GALNTL5: variants seen among roughly 807,000 people sequenced by gnomAD.
The protein encoded by GALNTL5 is inactive polypeptide N-acetylgalactosaminyltransferase-like protein 5.
Under a neutral mutation model 51.0 loss-of-function variants are expected in GALNTL5, and 44 were observed. That is an observed-to-expected ratio of 0.86 (90% CI 0.68 to 1.11). The LOEUF is 1.11. GALNTL5 is among the 50% of genes least tolerant of loss of function. The pLI, the probability that GALNTL5 is intolerant of heterozygous loss-of-function variation, is 0.00. For missense variants in GALNTL5, 528 were observed against 531.8 expected, an observed-to-expected ratio of 0.99 and a Z score of 0.07; for synonymous variants, 192 against 182.8, an observed-to-expected ratio of 1.05 and a Z score of -0.41.
At chr7:152,001,156 A>AC (rs1369859597) in intron 5 of GALNTL5, among the ~76,000 whole-genome samples, 10 of 137,440 alleles carry the variant, frequency 7.3e-5, no homozygotes, top group South Asian at 2.3e-4. Flanking sequence ...CAGGTGATCC[A>AC]CCCCCCTCAG....
At chr7:151,982,929 A>T (rs773246313) in intron 3 of GALNTL5, 57 bp from the exon 4 acceptor site, 7 of 1,612,974 alleles carry the variant, frequency 4.3e-6, no homozygotes. Context: ...GAACGAGATG[A>T]CACAACATCC....
At chr7:152,000,169 T>C (rs1173935643) in intron 5 of GALNTL5, among the ~76,000 whole-genome samples, 2 of 152,144 alleles carry the variant, frequency 1.3e-5, no homozygotes, top group Non-Finnish European at 2.9e-5. Flanking sequence ...GACACTTGCT[T>C]TTAGATTAGT....
chr7:152,014,716 G>A lies in GALNTL5; in HGVS notation c.1099G>A (p.Gly367Arg). ...RVGHISKKQT[G>R]KPSTIISAMT... is the part of the protein sequence containing the mutation. ...AGGACATATCAGTAAGAAACAAACT[G>A]GAAAACCTTCTACAATCATCAGTGC... Residue 367 changes from glycine (G) to arginine (R), a missense_variant, in exon 8 of 9, where the codon GGA becomes AGA. Gly to Arg is a moderately radical substitution (Grantham distance 125, BLOSUM62 -2). Transcript: ENST00000392800. The A allele has an allele frequency of 1.2e-6, 2 of 1,613,936 alleles. No homozygotes were observed. Among genetic ancestry groups the A allele is most frequent in the African/African-American group, 1.3e-5 (1 of 75,008 alleles).
In GALNTL5 at chr7:152,014,627, G is replaced by C. The variant is rs1226272387; in HGVS notation, c.1027-17G>C. On this transcript the variant is annotated splice_polypyrimidine_tract_variant and intron_variant, in intron 7 of 8. Transcript: ENST00000392800. Reference sequence around the variant, plus strand: ...GTAATAATGCATTCGTATGTTTTTTGTTCTTCTTATGCCTAGATCTGGATG... The same window carrying C: ...GTAATAATGCATTCGTATGTTTTTTCTTCTTCTTATGCCTAGATCTGGATG... 10 of 1,581,862 alleles carry C rather than the reference G, an allele frequency of 6.3e-6. No individual in the cohort carries two copies. The highest frequency in any genetic ancestry group is 7.7e-6 in the Non-Finnish European group (9 of 1,168,672).
At chr7:151,983,548 G>A (rs993490575) in intron 4 of GALNTL5, among the ~76,000 whole-genome samples, 3 of 152,102 alleles carry the variant, frequency 2.0e-5, no homozygotes, top group Admixed American at 1.3e-4. Flanking sequence ...AATCTTTTTG[G>A]TGGGTATTGG....
intron 1 of GALNTL5, 100 bp downstream of exon 1, chr7:151,956,709 C>T (rs1347454901): frequency 6.6e-6 from 1 of 152,092 alleles, no homozygotes; most frequent in South Asian, 2.1e-4. Context: ...ATCACTGCGT[C>T]TTGAAGGAGG....
chr7:152,000,650 T>C (rs975083950), intron 5 of GALNTL5, among the ~76,000 whole-genome samples: 1 of 152,218 alleles, frequency 6.6e-6, no homozygotes. Context: ...GTGATTTTTA[T>C]TAACGTTTTT....
chr7:151,960,386 C>T (rs541798619), intron 1 of GALNTL5: 62 of 152,386 alleles, frequency 4.1e-4, no homozygotes, highest in African/African-American at 1.3e-3. Context: ...ATGGGATGCT[C>T]AGGGCCAGCC....
intron 3 of GALNTL5, among the ~76,000 whole-genome samples, chr7:151,980,483 G>A (rs1340227746): frequency 4.6e-5 from 7 of 152,220 alleles, no homozygotes; most frequent in Non-Finnish European, 7.3e-5. Context: ...ATCTGTTCCG[G>A]TGCTTCCTTG....
In GALNTL5 at chr7:151,967,480, A is replaced by G; in HGVS notation, c.234A>G (p.Ala78=). ...TCAAAAGGACTGATGAAGATAAAGC[A>G]AAGTCTATGTTAGGTAAGTATTTGG... The part of the protein sequence containing the change: ...VIVKRTDEDK[A]KSMLGTDFNH... The change falls in exon 2 of 9, where the codon GCA becomes GCG. Residue 78 remains alanine, a synonymous_variant. Coordinates refer to ENST00000392800, the MANE Select transcript of GALNTL5 (RefSeq NM_145292.4). 2 of 1,613,550 alleles carry G rather than the reference A, an allele frequency of 1.2e-6. No homozygotes were observed. The highest frequency in any genetic ancestry group is 1.1e-5 in the South Asian group (1 of 91,010).
At chr7:151,965,003 A>G (rs893775209) in intron 1 of GALNTL5, among the ~76,000 whole-genome samples, 12 of 151,876 alleles carry the variant, frequency 7.9e-5, no homozygotes, top group Non-Finnish European at 7.4e-5. Context: ...TTTAGCCCCA[A>G]GTTTTCCTTT....
At chr7:151,978,130 G>A (rs2151944044) in intron 3 of GALNTL5, among the ~76,000 whole-genome samples, 1 of 151,622 alleles carries the variant, frequency 6.6e-6, no homozygotes, top group Non-Finnish European at 1.5e-5. Context: ...ACCGCTTTGT[G>A]GTATAATAAT....
At chr7:152,003,954 C>T (rs1401269177) in intron 6 of GALNTL5, among the ~76,000 whole-genome samples, 1 of 152,072 alleles carries the variant, frequency 6.6e-6, no homozygotes, top group African/African-American at 2.4e-5. Context: ...TGTGTATATA[C>T]ATTGGATCAT....
intron 8 of GALNTL5, among the ~76,000 whole-genome samples, chr7:152,018,135 C>A (rs938118486): frequency 6.6e-6 from 1 of 152,250 alleles, no homozygotes; most frequent in African/African-American, 2.4e-5. Flanking sequence ...TAAGCCACCA[C>A]GCCCAGCCTT....
intron 8 of GALNTL5, 146 bp from the exon 9 acceptor site, chr7:152,019,500 C>A: frequency 1.5e-6 from 1 of 673,052 alleles, no homozygotes; most frequent in Non-Finnish European, 2.5e-6. Flanking sequence ...TCTCTGCCTT[C>A]ATTCCCTAGA....
chr7:151,988,551 C>T (rs2081389433), intron 5 of GALNTL5, among the ~76,000 whole-genome samples: 1 of 152,094 alleles, frequency 6.6e-6, no homozygotes, highest in Admixed American at 6.5e-5. Context: ...GACACATTCT[C>T]TTATTTAACT....
At chr7:151,976,108 C>T (rs2081201971) in intron 3 of GALNTL5, among the ~76,000 whole-genome samples, 1 of 152,028 alleles carries the variant, frequency 6.6e-6, no homozygotes, top group African/African-American at 2.4e-5. Flanking sequence ...TAGTTGAAGC[C>T]CAGTATTTCC....
intron 8 of GALNTL5, among the ~76,000 whole-genome samples, chr7:152,019,363 C>T (rs1196069264): frequency 5.3e-5 from 8 of 152,144 alleles, no homozygotes; most frequent in Non-Finnish European, 1.2e-4. Flanking sequence ...AAGGGGATAC[C>T]GCAATAGGTG....
chr7:151,958,897 G>A (rs781595114), intron 1 of GALNTL5, among the ~76,000 whole-genome samples: 6 of 152,176 alleles, frequency 3.9e-5, no homozygotes, highest in Non-Finnish European at 8.8e-5. Flanking sequence ...TGTGTGAGAG[G>A]GGGCTCAAAG....
Sources: allele counts gnomAD v4.1 joint callset (sites outside exome capture counted in the v4.1 genomes callset), GRCh38; gene constraint gnomAD v4.1.1; transcripts MANE v1.5; gene names NCBI Gene and HGNC (gene_info 2026-07-23, HGNC 2026-07-21).